ACAA2: variants seen among roughly 807,000 people sequenced by gnomAD.
ACAA2 encodes acetyl-CoA acyltransferase 2.
ACAA2 carries 35 observed loss-of-function variants against 44.8 expected under a neutral mutation model. The ratio of observed to expected loss-of-function variants is 0.78; its 90% CI spans 0.60 to 1.04. The LOEUF is 1.04. Ranked by LOEUF, ACAA2 falls within the 50% of genes least tolerant of loss-of-function variation. The pLI, the probability that ACAA2 is intolerant of heterozygous loss-of-function variation, is 0.00. For missense variants in ACAA2, 468 were observed against 482.6 expected, an observed-to-expected ratio of 0.97 and a Z score of 0.28; for synonymous variants, 142 against 166.5, an observed-to-expected ratio of 0.85 and a Z score of 1.13.
chr18:49,804,749 G>T (rs932466173), intron 1 of ACAA2, among the ~76,000 whole-genome samples: 1 of 152,040 alleles, frequency 6.6e-6, no homozygotes, highest in Non-Finnish European at 1.5e-5. Flanking sequence ...AGTTAAATCG[G>T]TGTCCTTGTA....
intron 1 of ACAA2, among the ~76,000 whole-genome samples, chr18:49,808,979 C>T (rs2023638976): frequency 6.6e-6 from 1 of 152,130 alleles, no homozygotes; most frequent in Non-Finnish European, 1.5e-5. Context: ...GTCCTTATCT[C>T]AACCGCATAA....
intron 2 of ACAA2, among the ~76,000 whole-genome samples, chr18:49,800,110 G>C (rs1320589251): frequency 6.9e-6 from 1 of 144,338 alleles, no homozygotes; most frequent in African/African-American, 2.6e-5. Context: ...CAGGCCAGCC[G>C]CCCCGTCCGG....
Position 49,797,484 on chromosome 18 carries a change from G to A in ACAA2, c.294C>T (p.Ser98=). 1.9e-6 allele frequency: 3 copies of A among 1,610,300 alleles called. No individual in the cohort carries two copies. Among genetic ancestry groups the A allele is most frequent in the African/African-American group, 1.3e-5 (1 of 74,816 alleles). The change falls in exon 3 of 10, where the codon TCC becomes TCT. Residue 98 remains serine, a synonymous_variant. Transcript: ENST00000285093. ...INRLCGSGFQ[S]IVNGCQEICV... is the part of the protein sequence containing the mutation. Reference sequence around the variant, plus strand: ...TCCATACCTGACATCCATTCACAATGGACTGAAAACCAGAACCACAGAGCC... The same window carrying A: ...TCCATACCTGACATCCATTCACAATAGACTGAAAACCAGAACCACAGAGCC...
intron 8 of ACAA2, 162 bp from the exon 9 acceptor site, chr18:49,785,513 G>C: frequency 1.5e-6 from 1 of 680,274 alleles, no homozygotes; most frequent in Non-Finnish European, 2.5e-6. Context: ...AAGCTATCAG[G>C]TTTAAAATGT....
At chr18:49,806,621 AT>A (rs1343519198) in intron 1 of ACAA2, among the ~76,000 whole-genome samples, 1 of 152,336 alleles carries the variant, frequency 6.6e-6, no homozygotes, top group East Asian at 1.9e-4. Context: ...TAATCCACAT[AT>A]GAGGAAACAA....
At chr18:49,796,458 C>G (rs554433155) in intron 3 of ACAA2, among the ~76,000 whole-genome samples, 1 of 152,066 alleles carries the variant, frequency 6.6e-6, no homozygotes, top group Non-Finnish European at 1.5e-5. Flanking sequence ...TAAGATATAT[C>G]GTTATAGAAA....
chr18:49,785,187 T>G lies in ACAA2; in HGVS notation c.1109+10A>C, dbSNP rs779032576. On this transcript the variant is annotated intron_variant, in intron 9 of 9. Transcript: ENST00000285093. ...AGCAAATCTGAAATGCAGCTATTTC[T>G]AGCAAATACCTTAATTCGTGAACCA... The G allele has an allele frequency of 1.2e-6, 2 of 1,607,462 alleles. No individual in the cohort carries two copies. The highest frequency in any genetic ancestry group is 1.7e-6 in the Non-Finnish European group (2 of 1,177,410).
At chr18:49,797,338 T>C (rs1179507326) in intron 3 of ACAA2, 128 bp downstream of exon 3, 1 of 755,472 alleles carries the variant, frequency 1.3e-6, no homozygotes, top group East Asian at 2.9e-5. Flanking sequence ...AGTGGTATGA[T>C]CATGGTTTAC....
At chr18:49,801,183 C>T (rs911878160) in intron 2 of ACAA2, among the ~76,000 whole-genome samples, 3 of 152,150 alleles carry the variant, frequency 2.0e-5, no homozygotes, top group African/African-American at 4.8e-5. Context: ...TTATTCGAAG[C>T]ATATTCTGTT....
intron 1 of ACAA2, among the ~76,000 whole-genome samples, chr18:49,809,586 TC>T (rs2023646620): frequency 1.3e-5 from 2 of 152,142 alleles, no homozygotes; most frequent in Admixed American, 6.5e-5. Flanking sequence ...AAGGAAGGAA[TC>T]TTAAATGCAT....
intron 1 of ACAA2, among the ~76,000 whole-genome samples, chr18:49,806,613 A>G (rs563965161): frequency 6.6e-6 from 1 of 152,346 alleles, no homozygotes. Context: ...TTCAAAGTTA[A>G]TCCACATATG....
At chr18:49,798,548 A>C (rs962783474) in intron 2 of ACAA2, among the ~76,000 whole-genome samples, 10 of 151,702 alleles carry the variant, frequency 6.6e-5, no homozygotes, top group Non-Finnish European at 1.5e-4. Context: ...GAGCAAAAGC[A>C]AGTTTGACAA....
intron 2 of ACAA2, among the ~76,000 whole-genome samples, chr18:49,799,656 G>T (rs1257909872): frequency 6.6e-6 from 1 of 151,860 alleles, no homozygotes; most frequent in South Asian, 2.1e-4. Flanking sequence ...GAAGTGAGGA[G>T]CGTCTCTGCC....
Position 49,809,031 on chromosome 18 carries a change from G to C in ACAA2, c.16+4438C>G, listed in dbSNP as rs1187320985. 2.6e-5 allele frequency among the ~76,000 whole-genome samples: 4 copies of C among 152,032 alleles called. No individual in the cohort carries two copies. In the East Asian group the frequency reaches 7.7e-4, roughly 29 times the overall value. ...GCGGCCATTTATAGACCTCCCCCCAGGAATACAATTCTTTTCCTAGGGTCT... is the reference window on the plus strand; with the variant it reads ...GCGGCCATTTATAGACCTCCCCCCACGAATACAATTCTTTTCCTAGGGTCT... On this transcript the variant is annotated intron_variant, in intron 1 of 9. Transcript: ENST00000285093.
At chr18:49,800,920 T>C (rs1208620134) in intron 2 of ACAA2, among the ~76,000 whole-genome samples, 7 of 147,656 alleles carry the variant, frequency 4.7e-5, no homozygotes, top group Admixed American at 2.0e-4. Context: ...TCCACAGCTA[T>C]CATCATATGT....
At chr18:49,793,119 A>G (rs1037476912) in intron 5 of ACAA2, among the ~76,000 whole-genome samples, 4 of 152,284 alleles carry the variant, frequency 2.6e-5, no homozygotes, top group African/African-American at 9.6e-5. Context: ...CAAGTTGTCT[A>G]TGCCACAAAG....
In ACAA2 at chr18:49,802,701, C is replaced by T; in HGVS notation, c.169G>A (p.Gly57Ser). The part of the protein sequence containing the change: ...SPETVDSVIM[G>S]NVLQSSSDAI... ...ACTCTACTAACCTGCAGGACATTGC[C>T]CATAATCACACTGTCAACTGTTTCA... The change falls in exon 2 of 10, where the codon GGC becomes AGC. Residue 57 changes from glycine to serine, a missense_variant. Coordinates refer to ENST00000285093, the MANE Select transcript of ACAA2 (RefSeq NM_006111.3). 4 of 1,613,914 alleles carry T rather than the reference C, an allele frequency of 2.5e-6. No homozygotes were observed. Among genetic ancestry groups the T allele is most frequent in the Non-Finnish European group, 3.4e-6 (4 of 1,179,936 alleles).
chr18:49,795,983 T>C (rs1436766104), intron 3 of ACAA2, 102 bp from the exon 4 acceptor site: 5 of 748,150 alleles, frequency 6.7e-6, no homozygotes, highest in Middle Eastern at 2.4e-4. Flanking sequence ...CAAACAAATA[T>C]TGTACTGTAG....
At position 49,813,509 on chromosome 18, in the gene ACAA2, G is replaced by C; in HGVS notation, c.-25C>G. 1 of 1,239,580 alleles carries C rather than the reference G, an allele frequency of 8.1e-7. No homozygotes were observed. The highest frequency in any genetic ancestry group is 1.0e-6 in the Non-Finnish European group (1 of 988,042). 76.8% of individuals were successfully genotyped at this position (1,239,580 alleles called of 1,614,324 possible). A position where few individuals can be genotyped will look rare whatever the true frequency, so the allele number is the denominator to read the frequency against. On this transcript the variant is annotated 5_prime_UTR_variant, in exon 1 of 10. Coordinates refer to ENST00000285093, the MANE Select transcript of ACAA2 (RefSeq NM_006111.3). ...TGGCGGCTGCTGGGTCGTCGGCGGC[G>C]CGGGTCTGTGGTGTGGGGGACGCTG...
Sources: gnomAD v4.1 joint callset for allele counts (sites outside exome capture counted in the v4.1 genomes callset) on GRCh38, gnomAD v4.1.1 for gene constraint, MANE v1.5 for transcripts, NCBI Gene and HGNC (gene_info 2026-07-23, HGNC 2026-07-21) for gene names.